Variants in GABRG3 observed in about 807,000 individuals in gnomAD.
GABRG3 encodes the protein gamma-aminobutyric acid receptor subunit gamma-3.
In GABRG3, 25 loss-of-function variants were observed where a neutral mutation model predicts 48.8. That is an observed-to-expected ratio of 0.51 (90% CI 0.37 to 0.72). The LOEUF is 0.72. GABRG3 is among the 30% of genes least tolerant of loss of function. The pLI, the probability that GABRG3 is intolerant of heterozygous loss-of-function variation, is 0.00. For missense variants in GABRG3, 394 were observed against 577.9 expected (o/e 0.68, Z 3.26); for synonymous variants, 227 against 217.6 (o/e 1.04, Z -0.38).
chr15:27,368,370 T>G (rs540545254), intron 5 of GABRG3, among the ~76,000 whole-genome samples: 2 of 152,204 alleles, frequency 1.3e-5, no homozygotes, highest in Non-Finnish European at 2.9e-5. Flanking sequence ...TCAAAACTGT[T>G]GCAGGGTAGA....
chr15:27,315,832 A>G (rs569516907), intron 3 of GABRG3, among the ~76,000 whole-genome samples: 24 of 152,218 alleles, frequency 1.6e-4, no homozygotes, highest in Non-Finnish European at 2.9e-4. Context: ...ATACAAGTAT[A>G]TATTCATTTA....
chr15:27,373,874 G>GT (rs375329619), intron 5 of GABRG3, among the ~76,000 whole-genome samples: 1,701 of 151,534 alleles, frequency 0.011, 31 homozygotes, highest in African/African-American at 0.038. Context: ...GATGTTTTTT[G>GT]TTTTTTTTCT....
At chr15:26,978,473 TTTG>T (rs1456117068) in intron 2 of GABRG3, among the ~76,000 whole-genome samples, 2 of 152,178 alleles carry the variant, frequency 1.3e-5, no homozygotes, top group Admixed American at 6.5e-5. Context: ...TACATTTTAA[TTTG>T]TTATGTCTTG....
intron 5 of GABRG3, among the ~76,000 whole-genome samples, chr15:27,383,280 T>C (rs1384512092): frequency 2.0e-5 from 3 of 152,206 alleles, no homozygotes; most frequent in African/African-American, 7.2e-5. Flanking sequence ...GAGTATTAAG[T>C]CTGTTCTTTT....
At chr15:27,145,605 C>A (rs536735330) in intron 3 of GABRG3, among the ~76,000 whole-genome samples, 36 of 90,300 alleles carry the variant, frequency 4.0e-4, no homozygotes, top group South Asian at 2.2e-3. Flanking sequence ...ATATCTATCT[C>A]TATCTATCTA....
intron 5 of GABRG3, among the ~76,000 whole-genome samples, chr15:27,344,203 T>G (rs955083515): frequency 3.9e-5 from 6 of 152,026 alleles, no homozygotes; most frequent in Admixed American, 3.9e-4. Context: ...TTAGGCTTAT[T>G]CTGACCCCAC....
chr15:27,111,209 T>G (rs1035735409), intron 3 of GABRG3, among the ~76,000 whole-genome samples: 1 of 152,228 alleles, frequency 6.6e-6, no homozygotes, highest in Non-Finnish European at 1.5e-5. Context: ...TTCTTCATTT[T>G]TCTTGTGCGT....
intron 5 of GABRG3, among the ~76,000 whole-genome samples, chr15:27,343,973 G>C (rs1894277603): frequency 6.6e-6 from 1 of 151,800 alleles, no homozygotes; most frequent in South Asian, 2.1e-4. Context: ...AATCAGAAAA[G>C]TTTATGCATT....
At chr15:27,414,342 G>A (rs998429048) in intron 5 of GABRG3, among the ~76,000 whole-genome samples, 1 of 151,990 alleles carries the variant, frequency 6.6e-6, no homozygotes, top group Non-Finnish European at 1.5e-5. Flanking sequence ...GGTCACCTCT[G>A]TGGGCAGCCT....
chr15:27,279,888 A>G (rs1026863174), intron 3 of GABRG3, among the ~76,000 whole-genome samples: 2 of 152,178 alleles, frequency 1.3e-5, no homozygotes, highest in Non-Finnish European at 2.9e-5. Flanking sequence ...CCATGAAAAA[A>G]GGATGTCTTT....
At chr15:27,153,960 A>T (rs1426001803) in intron 3 of GABRG3, among the ~76,000 whole-genome samples, 1 of 152,212 alleles carries the variant, frequency 6.6e-6, no homozygotes, top group Non-Finnish European at 1.5e-5. Context: ...GGAAGACATG[A>T]TACATCAGTA....
rs983319184 is a variant in GABRG3 at position 27,316,625 on chromosome 15, C to T, written c.271-10184C>T. Among the ~76,000 whole-genome samples, 12 of 152,270 alleles carry T rather than the reference C, an allele frequency of 7.9e-5. No homozygotes were observed. The South Asian group carries it at 2.3e-3, about 29-fold the overall frequency. ...GATTGTAGTCCAAGAGGATACTCTACGCTTTTAACTTATGAACATTTTTTA... is the reference window on the plus strand; with the variant it reads ...GATTGTAGTCCAAGAGGATACTCTATGCTTTTAACTTATGAACATTTTTTA... On this transcript the variant is annotated intron_variant, in intron 3 of 9. Coordinates refer to ENST00000615808, the MANE Select transcript of GABRG3 (RefSeq NM_033223.5).
chr15:27,009,915 T>C (rs78302303), intron 2 of GABRG3, among the ~76,000 whole-genome samples: 8,702 of 152,142 alleles, frequency 0.057, 436 homozygotes, highest in South Asian at 0.28. Context: ...CTCCTTCTGC[T>C]TCTGCTGCTT....
At chr15:27,346,274 G>A (rs949431871) in intron 5 of GABRG3, among the ~76,000 whole-genome samples, 2 of 152,080 alleles carry the variant, frequency 1.3e-5, no homozygotes, top group African/African-American at 4.8e-5. Context: ...AGTTTCTGAA[G>A]AGAAGTACAT....
chr15:27,014,972 G>T (rs570416849), intron 2 of GABRG3, among the ~76,000 whole-genome samples: 1 of 152,110 alleles, frequency 6.6e-6, no homozygotes, highest in African/African-American at 2.4e-5. Flanking sequence ...ATATACTTAT[G>T]GTTGTTATGT....
chr15:27,532,775 G>C lies in GABRG3; in HGVS notation c.1298G>C (p.Arg433Pro). The C allele has an allele frequency of 6.2e-7, 1 of 1,613,974 alleles. No individual in the cohort carries two copies. Among genetic ancestry groups the C allele is most frequent in the Non-Finnish European group, 8.5e-7 (1 of 1,179,872 alleles). The change falls in exon 10 of 10, where the codon CGT becomes CCT. Residue 433 changes from arginine (R) to proline (P), a missense_variant. Physicochemically the swap from Arg to Pro is moderately radical, Grantham distance 103. This residue lies in a region of GABRG3 where 126 missense variants were observed against 155.5 expected (regional missense o/e 0.81). Coordinates refer to ENST00000615808, the MANE Select transcript of GABRG3 (RefSeq NM_033223.5). ...ECKSGSWRKG[R>P]IHIDILELDS... Reference sequence around the variant, plus strand: ...AAATCAGGATCCTGGAGGAAAGGGCGTATTCACATAGACATCTTGGAGCTG... The same window carrying C: ...AAATCAGGATCCTGGAGGAAAGGGCCTATTCACATAGACATCTTGGAGCTG...
chr15:27,398,664 G>GTGCA (rs1179578000), intron 5 of GABRG3, among the ~76,000 whole-genome samples: 14 of 145,262 alleles, frequency 9.6e-5, no homozygotes, highest in African/African-American at 3.6e-4. Flanking sequence ...TGACAAGCGC[G>GTGCA]CGCACACACA....
intron 3 of GABRG3, among the ~76,000 whole-genome samples, chr15:27,290,875 A>G (rs999796710): frequency 2.6e-5 from 4 of 152,202 alleles, no homozygotes; most frequent in Non-Finnish European, 5.9e-5. Flanking sequence ...CACATATACC[A>G]TACTAATGTA....
rs1160953353 is a variant in GABRG3 at position 27,235,017 on chromosome 15, G to A, written c.271-91792G>A. 3.3e-5 allele frequency among the ~76,000 whole-genome samples: 5 copies of A among 152,148 alleles called. No homozygotes were observed. The East Asian group carries it at 5.8e-4, about 18-fold the overall frequency. ...CAGTTCTGGCCTGTTGGCTGAGGGC[G>A]TGGGGGGCTGTTTTGATCCCCTTTC... On this transcript the variant is annotated intron_variant, in intron 3 of 9. Transcript: ENST00000615808.
Sources: gnomAD v4.1 joint callset for allele counts (sites outside exome capture counted in the v4.1 genomes callset) on GRCh38, gnomAD v4.1.1 for gene constraint, gnomAD v4.1.1 regional missense constraint, MANE v1.5 for transcripts, NCBI Gene and HGNC (gene_info 2026-07-23, HGNC 2026-07-21) for gene names.